The following USP54 variants were observed in gnomAD, a reference collection of about 807,000 sequenced individuals.
The protein encoded by USP54 is ubiquitin carboxyl-terminal hydrolase 54.
In USP54, 87 loss-of-function variants were observed where a neutral mutation model predicts 170.5. That is an observed-to-expected ratio of 0.51 (90% confidence interval 0.43 to 0.61). The LOEUF (loss-of-function observed/expected upper bound fraction) is 0.61. USP54 is among the 20% of genes least tolerant of loss of function. USP54 has a pLI of 0.00. For missense variants in USP54, 1,786 were observed against 2,047.8 expected, an observed-to-expected ratio of 0.87 and a Z score of 2.47; for synonymous variants, 655 against 742.8, an observed-to-expected ratio of 0.88 and a Z score of 1.92.
intron 18 of USP54, 193 bp from the exon 19 acceptor site, chr10:73,520,185 GC>G (rs1194072666): frequency 1.4e-6 from 1 of 717,116 alleles, no homozygotes; most frequent in African/African-American, 1.8e-5. Context: ...ATTGATGGAA[GC>G]CATGGAGGCC....
At position 73,602,536 on chromosome 10, in the gene USP54, G is replaced by C. The variant is rs373123209; in HGVS notation, c.-18+23031C>G. Among the ~76,000 whole-genome samples the C allele has an allele frequency of 9.5e-5, 14 of 147,668 alleles. No homozygotes were observed. In the East Asian group the frequency reaches 2.4e-3, roughly 25 times the overall value. On this transcript the variant is annotated intron_variant, in intron 1 of 22. Transcript: ENST00000339859. ...CTACTGCACTCCAGCCTGGGTAACAGAGCAAGACTCTGATTCAAAAAAAAA... is the reference window on the plus strand; with the variant it reads ...CTACTGCACTCCAGCCTGGGTAACACAGCAAGACTCTGATTCAAAAAAAAA...
intron 20 of USP54, among the ~76,000 whole-genome samples, chr10:73,512,066 T>G (rs1218461360): frequency 6.6e-6 from 1 of 152,108 alleles, no homozygotes. Flanking sequence ...TTTTCATATG[T>G]GAATCCTAAT....
chr10:73,516,167 A>G (rs1332963962), intron 20 of USP54, among the ~76,000 whole-genome samples: 1 of 152,146 alleles, frequency 6.6e-6, no homozygotes, highest in Non-Finnish European at 1.5e-5. Flanking sequence ...GAAGTTGCCT[A>G]TGAGTGGTAA....
intron 1 of USP54, among the ~76,000 whole-genome samples, chr10:73,617,347 GTGGGAGGCTGAGGTGGGAGAATCACT>G (rs550748099): frequency 0.035 from 5,167 of 148,664 alleles, 168 homozygotes; most frequent in Non-Finnish European, 0.055. Flanking sequence ...TCCCAGTTAC[GTGGGAGGCTGAGGTGGGAGAATCACT>G]TGAACCCAGG....
At chr10:73,545,503 C>A (rs775856918) in intron 5 of USP54, 35 bp downstream of exon 5, 1 of 1,612,184 alleles carries the variant, frequency 6.2e-7, no homozygotes, top group Non-Finnish European at 8.5e-7. Flanking sequence ...AGCAGTCCCA[C>A]CCCATATCAA....
chr10:73,609,280 G>A (rs1005338475), intron 1 of USP54, among the ~76,000 whole-genome samples: 2 of 152,154 alleles, frequency 1.3e-5, no homozygotes, highest in South Asian at 2.1e-4. Flanking sequence ...GCTCTGACTG[G>A]GGTCAACATC....
chr10:73,576,408 T>C (rs139318925), intron 1 of USP54, 47 bp from the exon 2 acceptor site: 7 of 151,686 alleles, frequency 4.6e-5, no homozygotes, highest in South Asian at 2.1e-4. Flanking sequence ...ACTTAATGAC[T>C]CTACTGGCTT....
chr10:73,528,446 C>T (rs1282346229), intron 15 of USP54, among the ~76,000 whole-genome samples: 2 of 151,534 alleles, frequency 1.3e-5, no homozygotes, highest in Admixed American at 6.6e-5. Flanking sequence ...TTAGTAGAGA[C>T]GGGGTTTCAC....
In USP54 at chr10:73,523,735, G is replaced by A; in HGVS notation, c.2210C>T (p.Ser737Phe). Residue 737 changes from serine to phenylalanine, a missense_variant, in exon 17 of 24, where the codon TCT becomes TTT. Transcript: ENST00000687698. ...CTGCAATTCATCCAGTTCACTTTTA[G>A]AAGATATCTCCTCACCTGTAATATA... ...SQPFSGEEIS[S>F]KSELDELQEE... The A allele has an allele frequency of 6.2e-7, 1 of 1,613,472 alleles. No homozygotes were observed. The highest frequency in any genetic ancestry group is 8.5e-7 in the Non-Finnish European group (1 of 1,179,648).
intron 22 of USP54, 128 bp from the exon 23 acceptor site, chr10:73,500,966 C>T: frequency 9.7e-7 from 1 of 1,027,300 alleles, no homozygotes; most frequent in African/African-American, 1.7e-5. Flanking sequence ...GCCTACATGC[C>T]TTGTTCTGGA....
chr10:73,541,781 G>A (rs2066648712), intron 7 of USP54, 43 bp from the exon 8 acceptor site: 1 of 1,569,730 alleles, frequency 6.4e-7, no homozygotes, highest in African/African-American at 1.3e-5. Context: ...TTTGTATTTA[G>A]TTACTGCTAA....
In USP54 at chr10:73,499,265, G is replaced by A; in HGVS notation, c.4496-77C>T. The A allele has an allele frequency of 4.9e-6, 7 of 1,429,088 alleles. No individual in the cohort carries two copies. The South Asian group carries it at 8.3e-5, about 17-fold the overall frequency. 88.5% of individuals were successfully genotyped at this position (1,429,088 alleles called of 1,614,324 possible). A position where few individuals can be genotyped will look rare whatever the true frequency, so the allele number is the denominator to read the frequency against. On this transcript the variant is annotated intron_variant, in intron 23 of 23. Transcript: ENST00000687698. ...CCTTCCCAGAGAGCCATGCCTAGCT[G>A]TGTAGCCCAATTCCCTACTCCTCCA... is the stretch of plus-strand genomic sequence containing the variant.
rs145213517 is a variant in USP54, at chr10:73,603,616, C to T, written c.-18+21951G>A. ...CAAAAAAGTTAATCAGGCGTGGTGG[C>T]GCACACCTGTAATGCCAGCTGCTTG... On this transcript the variant is annotated intron_variant, in intron 1 of 22. Transcript: ENST00000339859. Among the ~76,000 whole-genome samples the T allele has an allele frequency of 2.2e-4, 33 of 152,090 alleles. 1 individual carries two copies. In the East Asian group the frequency reaches 3.3e-3, roughly 15 times the overall value.
chr10:73,526,785 A>G lies in USP54; in HGVS notation c.2061-5T>C. The G allele has an allele frequency of 6.2e-7, 1 of 1,613,906 alleles. No homozygotes were observed. Among genetic ancestry groups the G allele is most frequent in the South Asian group, 1.1e-5 (1 of 91,040 alleles). ...GATCTCTTAGCACTTGGATCCCTTCAAAAGAGAACTCAGAGTCTAGTGAAA... is the reference window on the plus strand; with the variant it reads ...GATCTCTTAGCACTTGGATCCCTTCGAAAGAGAACTCAGAGTCTAGTGAAA... On this transcript the variant is annotated splice_polypyrimidine_tract_variant and splice_region_variant and intron_variant, in intron 15 of 23. Coordinates refer to ENST00000687698, the MANE Select transcript of USP54 (RefSeq NM_001391956.1).
At chr10:73,539,392 TC>T (rs2066065932) in intron 10 of USP54, 51 bp downstream of exon 10, 3 of 1,438,858 alleles carry the variant, frequency 2.1e-6, no homozygotes, top group Non-Finnish European at 2.8e-6. Context: ...AAATGATTAT[TC>T]TTTTTTTTTG....
chr10:73,517,142 T>C lies in USP54; in HGVS notation c.3284A>G (p.Gln1095Arg), dbSNP rs752561189. The change falls in exon 20 of 24, where the codon CAA (glutamine) becomes CGA (arginine). Residue 1095 changes from glutamine (Q) to arginine (R), a missense_variant. This residue lies in a region of USP54 where 1,418 missense variants were observed against 1,569.0 expected (regional missense o/e 0.90). Transcript: ENST00000687698. The part of the protein sequence containing the change: ...HCPDPVQKTN[Q>R]CLQGQSLKTS... ...TTTGAGGCTTTGGCCTTGGAGGCAT[T>C]GGTTAGTTTTCTGCACAGGATCAGG... 15 of 1,614,048 alleles carry C rather than the reference T, an allele frequency of 9.3e-6. 1 individual carries two copies. The highest frequency in any genetic ancestry group is 1.2e-5 in the Non-Finnish European group (14 of 1,180,036).
chr10:73,590,996 T>C (rs1336882936), intron 1 of USP54, among the ~76,000 whole-genome samples: 2 of 150,422 alleles, frequency 1.3e-5, no homozygotes, highest in African/African-American at 5.0e-5. Context: ...CAAGAAAATC[T>C]ATGAATTTTT....
chr10:73,591,651 GA>G (rs1481005347), upstream of USP54: 1 of 152,200 alleles, frequency 6.6e-6, no homozygotes, highest in African/African-American at 2.4e-5. Flanking sequence ...AAACAATTAT[GA>G]AGCTGTTTCC....
Position 73,548,717 on chromosome 10 carries a change from C to T in USP54, c.241-3045G>A, listed in dbSNP as rs184583767. Among the ~76,000 whole-genome samples, 249 of 152,072 alleles carry T rather than the reference C, an allele frequency of 1.6e-3. 1 individual carries two copies. The highest frequency in any genetic ancestry group is 5.5e-3 in the African/African-American group (228 of 41,492). On this transcript the variant is annotated intron_variant, in intron 4 of 23. Transcript: ENST00000687698. Reference sequence around the variant, plus strand: ...ACACAGGGCAGGGAACATCATACACCGGGGCCTGTCGGGAGGTGGGGGGCT... The same window carrying T: ...ACACAGGGCAGGGAACATCATACACTGGGGCCTGTCGGGAGGTGGGGGGCT...
Sources: gnomAD v4.1 joint callset for allele counts (sites outside exome capture counted in the v4.1 genomes callset) on GRCh38, gnomAD v4.1.1 for gene constraint, gnomAD v4.1.1 regional missense constraint, MANE v1.5 for transcripts, NCBI Gene and HGNC (gene_info 2026-07-23, HGNC 2026-07-21) for gene names.